SNED1: variants seen among roughly 807,000 people sequenced by gnomAD.
SNED1 encodes sushi, nidogen and EGF-like domain-containing protein 1.
In SNED1, 81 loss-of-function variants were observed where a neutral mutation model predicts 166.7. The observed-to-expected ratio is 0.49, with a 90% CI of 0.41 to 0.58. SNED1 has a LOEUF of 0.58. Ranked by LOEUF, SNED1 falls within the 20% of genes least tolerant of loss-of-function variation. The pLI is 0.00. For synonymous variants in SNED1, 762 were observed against 822.0 expected (o/e 0.93, Z 1.25); for missense variants, 1,604 against 2,000.2 (o/e 0.80, Z 3.78).
At chr2:241,061,330 C>T (rs924401001) in intron 16 of SNED1, among the ~76,000 whole-genome samples, 5 of 152,186 alleles carry the variant, frequency 3.3e-5, no homozygotes, top group South Asian at 4.1e-4. Flanking sequence ...GTACATTCAG[C>T]TGGTAAATTT....
At chr2:241,034,279 C>T (rs1174772445) in intron 3 of SNED1, among the ~76,000 whole-genome samples, 2 of 152,204 alleles carry the variant, frequency 1.3e-5, no homozygotes, top group African/African-American at 4.8e-5. Flanking sequence ...CCGAGAGTGC[C>T]TTTGGGCTGT....
intron 4 of SNED1, 89 bp from the exon 5 acceptor site, chr2:241,036,699 CAG>C (rs2061382168): frequency 1.9e-6 from 3 of 1,548,108 alleles, no homozygotes; most frequent in Non-Finnish European, 1.7e-6. Flanking sequence ...CCTTTTGGGT[CAG>C]GGGAGGGAAG....
intron 1 of SNED1, among the ~76,000 whole-genome samples, chr2:241,022,006 T>C (rs2060788932): frequency 6.6e-6 from 1 of 152,230 alleles, no homozygotes; most frequent in Non-Finnish European, 1.5e-5. Flanking sequence ...ATCTCCCTAA[T>C]GGTTAATGCT....
chr2:241,047,534 A>C (rs975520032), intron 8 of SNED1, among the ~76,000 whole-genome samples: 16 of 152,264 alleles, frequency 1.1e-4, no homozygotes, highest in African/African-American at 3.4e-4. Flanking sequence ...GCTCTTGGCC[A>C]TCATAGGCCA....
rs556327336 is a variant in SNED1, at chr2:241,044,403, T to C, written c.1274-3912T>C. Among the ~76,000 whole-genome samples, 31 of 152,264 alleles carry C rather than the reference T, an allele frequency of 2.0e-4. 1 individual carries two copies. The South Asian group carries it at 5.8e-3, about 29-fold the overall frequency. On this transcript the variant is annotated intron_variant, in intron 8 of 31. Coordinates refer to ENST00000310397, the MANE Select transcript of SNED1 (RefSeq NM_001080437.3). ...AGTAAGCACAGTCTACCCCTGTCTC[T>C]CCCCCACTGAATACAGCTACAATCC...
At chr2:241,003,476 C>T (rs1479422520) in intron 1 of SNED1, among the ~76,000 whole-genome samples, 1 of 152,240 alleles carries the variant, frequency 6.6e-6, no homozygotes, top group Non-Finnish European at 1.5e-5. Flanking sequence ...GCCACCAGCA[C>T]ATTTCTGCAC....
chr2:241,052,498 A>T, intron 15 of SNED1, 30 bp downstream of exon 15: 1 of 1,512,100 alleles, frequency 6.6e-7, no homozygotes, highest in Non-Finnish European at 9.1e-7. Flanking sequence ...CAAGCAGGGT[A>T]CATGGGATAC....
At chr2:241,022,151 C>T (rs1036316036) in intron 1 of SNED1, among the ~76,000 whole-genome samples, 1 of 152,166 alleles carries the variant, frequency 6.6e-6, no homozygotes, top group African/African-American at 2.4e-5. Context: ...TTATGATTTG[C>T]AGGTACATTC....
chr2:241,070,328 A>G, intron 24 of SNED1, 127 bp downstream of exon 24: 1 of 1,007,444 alleles, frequency 9.9e-7, no homozygotes. Context: ...GGACCGTGTT[A>G]GCAGGGGAGG....
In SNED1 at chr2:241,071,718, CAGGTA is replaced by C; in HGVS notation, c.3733_3734+3del. ...CCCCCGAGACCCCCACCCAGCCCCC[CAGGTA>C]CATGCCCCACCCATCGGCCCCATCG... On this transcript the variant is annotated splice_donor_variant and splice_donor_region_variant and coding_sequence_variant and intron_variant, in exon 25 of 32. Transcript: ENST00000310397. LOFTEE classifies it high-confidence loss of function. 6.7e-7 allele frequency: 1 copy of C among 1,503,670 alleles called. No individual in the cohort carries two copies. The highest frequency in any genetic ancestry group is 9.0e-7 in the Non-Finnish European group (1 of 1,112,818). The allele number at this position is 1,503,670 out of a possible 1,614,324, so 93.1% of individuals were successfully genotyped here. A position where few individuals can be genotyped will look rare whatever the true frequency, so the allele number is the denominator to read the frequency against.
At chr2:241,012,838 T>G (rs2060456270) in intron 1 of SNED1, among the ~76,000 whole-genome samples, 1 of 151,430 alleles carries the variant, frequency 6.6e-6, no homozygotes, top group African/African-American at 2.4e-5. Context: ...TTTTTTTTTT[T>G]TTTGTTGTTG....
Position 241,088,422 on chromosome 2 carries a change from G to T in SNED1, c.*1+20G>T. Reference sequence around the variant, plus strand: ...CTTAAGGTACGTCCCTGCTGCTCCCGCCCCACTACCACAGAGCTGCTGGGA... The same window carrying T: ...CTTAAGGTACGTCCCTGCTGCTCCCTCCCCACTACCACAGAGCTGCTGGGA... On this transcript the variant is annotated intron_variant, in intron 31 of 31. Coordinates refer to ENST00000310397, the MANE Select transcript of SNED1 (RefSeq NM_001080437.3). 6.2e-7 allele frequency: 1 copy of T among 1,601,524 alleles called. No individual in the cohort carries two copies. Among genetic ancestry groups the T allele is most frequent in the Non-Finnish European group, 8.6e-7 (1 of 1,168,938 alleles).
chr2:241,065,668 C>T, intron 21 of SNED1, 73 bp downstream of exon 21: 1 of 1,343,638 alleles, frequency 7.4e-7, no homozygotes, highest in Admixed American at 2.2e-5. Context: ...CCGGCACCTG[C>T]AGGGCGGCTG....
At chr2:241,039,026 G>C (rs1006929786) in intron 6 of SNED1, among the ~76,000 whole-genome samples, 2 of 152,228 alleles carry the variant, frequency 1.3e-5, no homozygotes, top group Non-Finnish European at 1.5e-5. Context: ...CATGTCAGTT[G>C]TACGTGTGGC....
intron 1 of SNED1, among the ~76,000 whole-genome samples, chr2:241,019,386 T>C (rs2060701096): frequency 6.6e-6 from 1 of 152,150 alleles, no homozygotes; most frequent in South Asian, 2.1e-4. Context: ...ATGCAAATCG[T>C]CCAGAAAGTC....
rs1236670881 is a variant in SNED1 at position 241,051,527 on chromosome 2, C to T, written c.1736-217C>T. ...AAAAGAGGACAGGCAAGCAAAGGGC[C>T]CACCTGTGACTGAGTTGGGGTCTCC... On this transcript the variant is annotated intron_variant, in intron 12 of 31. Transcript: ENST00000310397. The surrounding 1 kb of genome is among the most constrained non-coding windows in gnomAD (Gnocchi z 4.7). 2.3e-6 allele frequency: 1 copy of T among 432,246 alleles called. No individual in the cohort carries two copies. The highest frequency in any genetic ancestry group is 2.0e-5 in the African/African-American group (1 of 49,438). 26.8% of individuals were successfully genotyped at this position (432,246 alleles called of 1,614,324 possible).
At chr2:241,022,935 A>G (rs2060813796) in intron 1 of SNED1, among the ~76,000 whole-genome samples, 1 of 152,118 alleles carries the variant, frequency 6.6e-6, no homozygotes, top group African/African-American at 2.4e-5. Flanking sequence ...GTCCTAAGCA[A>G]TTTGTGCCTT....
intron 1 of SNED1, among the ~76,000 whole-genome samples, chr2:241,025,761 GTTTTC>G (rs1428215381): frequency 6.6e-6 from 1 of 151,982 alleles, no homozygotes; most frequent in Non-Finnish European, 1.5e-5. Flanking sequence ...GTTGGCAGTT[GTTTTC>G]TTTTAGCACG....
intron 1 of SNED1, among the ~76,000 whole-genome samples, chr2:241,024,836 A>G (rs983301205): frequency 2.0e-5 from 3 of 150,772 alleles, no homozygotes; most frequent in African/African-American, 4.9e-5. Flanking sequence ...ACACCTGACT[A>G]AATTTTTTTG....
Sources: gnomAD v4.1 joint callset for allele counts (sites outside exome capture counted in the v4.1 genomes callset) on GRCh38, gnomAD v4.1.1 for gene constraint, Gnocchi (gnomAD v3.1) non-coding constraint, MANE v1.5 for transcripts, NCBI Gene and HGNC (gene_info 2026-07-23, HGNC 2026-07-21) for gene names.